The following TSNARE1 variants were observed in gnomAD, a reference collection of about 807,000 sequenced individuals.
TSNARE1 encodes the protein t-SNARE domain-containing protein 1.
In TSNARE1, 49 loss-of-function variants were observed where a neutral mutation model predicts 62.0. That is an observed-to-expected ratio of 0.79 (90% CI 0.63 to 1.00). The LOEUF is 1.00. TSNARE1 is among the 50% of genes least tolerant of loss of function. The pLI is 0.00. For missense variants in TSNARE1, 755 were observed against 700.1 expected, an observed-to-expected ratio of 1.08 and a Z score of -0.88; for synonymous variants, 328 against 294.4, an observed-to-expected ratio of 1.11 and a Z score of -1.17.
chr8:142,222,918 A>T (rs1816480751), intron 13 of TSNARE1, among the ~76,000 whole-genome samples: 1 of 150,788 alleles, frequency 6.6e-6, no homozygotes, highest in Non-Finnish European at 1.5e-5. Flanking sequence ...CCACTCATTC[A>T]CTCATTCACT....
intron 1 of TSNARE1, among the ~76,000 whole-genome samples, chr8:142,355,587 CCA>C (rs1834660707): frequency 6.6e-6 from 1 of 152,166 alleles, no homozygotes; most frequent in Non-Finnish European, 1.5e-5. Flanking sequence ...GCTCTCCTGC[CCA>C]GACACTGCCA....
At chr8:142,343,892 A>G in intron 4 of TSNARE1, 74 bp downstream of exon 4, 2 of 1,390,528 alleles carry the variant, frequency 1.4e-6, no homozygotes, top group Non-Finnish European at 1.9e-6. Context: ...GCAGGGCAAC[A>G]TGGCCAAGAT....
At chr8:142,220,890 G>T (rs1490631663) in intron 13 of TSNARE1, among the ~76,000 whole-genome samples, 1 of 152,226 alleles carries the variant, frequency 6.6e-6, no homozygotes, top group African/African-American at 2.4e-5. Flanking sequence ...TACCACAGAA[G>T]ATTCTGTGAA....
chr8:142,302,850 C>T (rs1312286666), intron 9 of TSNARE1, among the ~76,000 whole-genome samples: 3 of 152,152 alleles, frequency 2.0e-5, no homozygotes, highest in Non-Finnish European at 2.9e-5. Context: ...CCCACTGGAC[C>T]CTGCTGGCCT....
Position 142,331,824 on chromosome 8 carries a change from C to T in TSNARE1, c.753G>A (p.Gln251=), listed in dbSNP as rs1314132885. The T allele has an allele frequency of 1.9e-6, 3 of 1,607,736 alleles. No individual in the cohort carries two copies. Among genetic ancestry groups the T allele is most frequent in the Non-Finnish European group, 2.5e-6 (3 of 1,177,196 alleles). ...GFSLEPPRAT[Q]VDPCNLQELF... Reference sequence around the variant, plus strand: ...GCTCCTGGAGGTTGCACGGATCGACCTGGGTGGCTGGGAGAAGACAGGGAG... The same window carrying T: ...GCTCCTGGAGGTTGCACGGATCGACTTGGGTGGCTGGGAGAAGACAGGGAG... The change falls in exon 5 of 14, where the codon CAG becomes CAA. Residue 251 remains glutamine, a synonymous_variant. Coordinates refer to ENST00000524325, the MANE Select transcript of TSNARE1 (RefSeq NM_145003.5).
intron 12 of TSNARE1, chr8:142,270,511 T>C (rs1819435255): frequency 2.1e-6 from 2 of 931,386 alleles, no homozygotes; most frequent in Non-Finnish European, 2.5e-6. Flanking sequence ...TATTTATGTA[T>C]TTATAACAGA....
intron 11 of TSNARE1, chr8:142,275,445 AC>A: frequency 2.0e-6 from 2 of 985,250 alleles, no homozygotes; most frequent in Non-Finnish European, 2.4e-6. Flanking sequence ...CAGCAGTGCC[AC>A]CCAGGGAAGC....
At chr8:142,251,180 C>T (rs1232883945) in intron 12 of TSNARE1, among the ~76,000 whole-genome samples, 1 of 152,146 alleles carries the variant, frequency 6.6e-6, no homozygotes, top group African/African-American at 2.4e-5. Flanking sequence ...GCCAGACTCT[C>T]CCTACAGGCC....
intron 13 of TSNARE1, among the ~76,000 whole-genome samples, chr8:142,221,477 C>T (rs1261181351): frequency 6.6e-6 from 1 of 152,226 alleles, no homozygotes; most frequent in Non-Finnish European, 1.5e-5. Flanking sequence ...TCCACTTAGC[C>T]CCTTAAATGT....
chr8:142,364,309 T>C (rs1835380365), intron 1 of TSNARE1, among the ~76,000 whole-genome samples: 1 of 152,224 alleles, frequency 6.6e-6, no homozygotes, highest in Non-Finnish European at 1.5e-5. Context: ...CACCAAGCAG[T>C]GGTACTCGAT....
intron 10 of TSNARE1, among the ~76,000 whole-genome samples, chr8:142,285,408 GTGGA>G (rs1159013291): frequency 2.3e-4 from 33 of 146,612 alleles, no homozygotes; most frequent in East Asian, 1.1e-3. Context: ...GGGTGGGTGG[GTGGA>G]TGGATGGATG....
rs936926883 is a variant in TSNARE1, at chr8:142,360,777, G to A, written c.-39-6014C>T. Reference sequence around the variant, plus strand: ...GCCTGCCCCTGGGACAAAGCGCCCCGGCCCAGGAGGAGGGAGGCCTGGCAG... The same window carrying A: ...GCCTGCCCCTGGGACAAAGCGCCCCAGCCCAGGAGGAGGGAGGCCTGGCAG... On this transcript the variant is annotated intron_variant, in intron 1 of 13. Coordinates refer to ENST00000524325, the MANE Select transcript of TSNARE1 (RefSeq NM_145003.5). Among the ~76,000 whole-genome samples, 8 of 152,280 alleles carry A rather than the reference G, an allele frequency of 5.3e-5. No individual in the cohort carries two copies. In the East Asian group the frequency reaches 5.8e-4, roughly 11 times the overall value.
intron 11 of TSNARE1, 114 bp downstream of exon 11, chr8:142,284,299 C>T (rs1367888193): frequency 2.5e-6 from 2 of 795,378 alleles, no homozygotes; most frequent in Admixed American, 2.1e-5. Flanking sequence ...CCAGCCTGGG[C>T]CTGGCTCCTC....
intron 2 of TSNARE1, among the ~76,000 whole-genome samples, chr8:142,346,593 G>T (rs1239539645): frequency 2.0e-5 from 3 of 152,246 alleles, no homozygotes; most frequent in Admixed American, 2.0e-4. Flanking sequence ...CAGACACGCC[G>T]TGTGCGCCAG....
At chr8:142,302,331 C>T (rs1014614166) in intron 9 of TSNARE1, among the ~76,000 whole-genome samples, 4 of 152,190 alleles carry the variant, frequency 2.6e-5, no homozygotes, top group African/African-American at 9.6e-5. Flanking sequence ...ACTCGTCCGG[C>T]CACTGGTCTT....
intron 1 of TSNARE1, among the ~76,000 whole-genome samples, chr8:142,369,017 G>A (rs1413835789): frequency 6.6e-6 from 1 of 152,238 alleles, no homozygotes; most frequent in Non-Finnish European, 1.5e-5. Context: ...AAGGGTCACT[G>A]TGAAACCCCC....
rs998567154 is a variant in TSNARE1 at position 142,357,977 on chromosome 8, A to C, written c.-39-3214T>G. Among the ~76,000 whole-genome samples, 4 of 150,234 alleles carry C rather than the reference A, an allele frequency of 2.7e-5. No individual in the cohort carries two copies. In the East Asian group the frequency reaches 7.9e-4, roughly 30 times the overall value. ...GGCGGGGTCTGCTGGGTTTCAGGAC[A>C]AGGGGAGCAGCCAGCGGCCATCACT... On this transcript the variant is annotated intron_variant, in intron 1 of 13. Transcript: ENST00000524325.
Position 142,278,284 on chromosome 8 carries a change from C to T in TSNARE1, c.1364-3421G>A, listed in dbSNP as rs553223570. ...CCATGGGTCCCAGCCTCATGCACCG[C>T]TGTGAGCAGGAGCAGCTGAGGATGC... On this transcript the variant is annotated intron_variant, in intron 11 of 13. Transcript: ENST00000524325. 3.0e-6 allele frequency: 3 copies of T among 985,466 alleles called. No homozygotes were observed. In the African/African-American group the frequency reaches 5.2e-5, roughly 17 times the overall value. 61.0% of individuals were successfully genotyped at this position (985,466 alleles called of 1,614,324 possible).
At chr8:142,318,673 G>A in intron 6 of TSNARE1, 39 bp from the exon 7 acceptor site, 1 of 1,607,390 alleles carries the variant, frequency 6.2e-7, no homozygotes, top group East Asian at 2.2e-5. Flanking sequence ...AGGCAGGGGA[G>A]GAAGGCAGCA....
Sources: allele counts gnomAD v4.1 joint callset (sites outside exome capture counted in the v4.1 genomes callset), GRCh38; gene constraint gnomAD v4.1.1; transcripts MANE v1.5; gene names NCBI Gene and HGNC (gene_info 2026-07-23, HGNC 2026-07-21).